The following SSMEM1 variants were observed in gnomAD, a reference collection of about 807,000 sequenced individuals.
SSMEM1 encodes serine-rich single-pass membrane protein 1.
Under a neutral mutation model 9.9 loss-of-function variants are expected in SSMEM1, and 12 were observed. The observed-to-expected ratio is 1.21, with a 90% CI of 0.78 to 1.96. The LOEUF (loss-of-function observed/expected upper bound fraction) is 1.96, where lower values mean the gene tolerates loss of function less well. SSMEM1 is among the 30% of genes most tolerant of loss of function. The pLI is 0.00. For synonymous variants in SSMEM1, 96 were observed against 98.9 expected, an observed-to-expected ratio of 0.97 and a Z score of 0.17; for missense variants, 259 against 292.2, an observed-to-expected ratio of 0.89 and a Z score of 0.83.
At chr7:130,209,737 G>A (rs1283282645) in intron 1 of SSMEM1, among the ~76,000 whole-genome samples, 4 of 152,120 alleles carry the variant, frequency 2.6e-5, no homozygotes, top group East Asian at 3.9e-4. Flanking sequence ...GCATCTCCAC[G>A]CGCAGCTAAT....
chr7:130,205,891 G>A (rs1445292294), upstream of SSMEM1, among the ~76,000 whole-genome samples: 3 of 152,028 alleles, frequency 2.0e-5, no homozygotes, highest in African/African-American at 2.4e-5. Flanking sequence ...GGCCAGTCTG[G>A]TCTCGATTTC....
In SSMEM1 at chr7:130,215,869, A is replaced by C. The variant is rs1798694395; in HGVS notation, c.239-105A>C. ...GACTGGAGAAAAGCAATGGCTTGACAACTGGCCACTAAGAGTGAGCTCACA... is the reference window on the plus strand; with the variant it reads ...GACTGGAGAAAAGCAATGGCTTGACCACTGGCCACTAAGAGTGAGCTCACA... On this transcript the variant is annotated intron_variant, in intron 2 of 2. Transcript: ENST00000297819. 3.5e-6 allele frequency: 5 copies of C among 1,444,852 alleles called. No individual in the cohort carries two copies. In the Admixed American group the frequency reaches 1.1e-4, roughly 32 times the overall value. 89.5% of individuals were successfully genotyped at this position (1,444,852 alleles called of 1,614,324 possible).
Position 130,216,636 on chromosome 7 carries a change from C to G in SSMEM1, c.*166C>G. ...GTAAAATCTCACACAATTCTTCGTT[C>G]AAAAAAAAAAAGGCCATCACGTGTT... On this transcript the variant is annotated 3_prime_UTR_variant, in exon 3 of 3. Coordinates refer to ENST00000297819, the MANE Select transcript of SSMEM1 (RefSeq NM_145268.4). 4.9e-6 allele frequency: 3 copies of G among 608,686 alleles called. No homozygotes were observed. The highest frequency in any genetic ancestry group is 7.5e-6 in the Non-Finnish European group (3 of 400,616). The allele number at this position is 608,686 out of a possible 1,614,324, so 37.7% of individuals were successfully genotyped here.
At chr7:130,213,612 A>C in intron 2 of SSMEM1, 78 bp downstream of exon 2, 1 of 1,273,302 alleles carries the variant, frequency 7.9e-7, no homozygotes. Context: ...AGTCCCAGCT[A>C]CTCAGAAGGC....
chr7:130,205,597 G>C, upstream of SSMEM1: 1 of 642,434 alleles, frequency 1.6e-6, no homozygotes, highest in South Asian at 1.8e-5. Context: ...AGAAAGCTAA[G>C]CAGCAAAATT....
rs550507514 is a variant in SSMEM1, at chr7:130,211,004, C to T, written c.184-2476C>T. ...TCACTCCAGATTATGTAGAAATAAC[C>T]AACTACTGTTAACTTTTAGGTTTAT... On this transcript the variant is annotated intron_variant, in intron 1 of 2. Coordinates refer to ENST00000297819, the MANE Select transcript of SSMEM1 (RefSeq NM_145268.4). Among the ~76,000 whole-genome samples the T allele has an allele frequency of 6.2e-4, 94 of 151,988 alleles. No individual in the cohort carries two copies. In the South Asian group the frequency reaches 0.012, roughly 20 times the overall value.
chr7:130,213,144 T>TC (rs780640619), intron 1 of SSMEM1, among the ~76,000 whole-genome samples: 9 of 152,006 alleles, frequency 5.9e-5, no homozygotes, highest in Admixed American at 2.6e-4. Context: ...GGTCAGGAGT[T>TC]CAAGACCAGC....
chr7:130,211,537 C>T (rs1798591924), intron 1 of SSMEM1, among the ~76,000 whole-genome samples: 2 of 152,120 alleles, frequency 1.3e-5, no homozygotes, highest in Non-Finnish European at 1.5e-5. Flanking sequence ...AACAAAAAGG[C>T]ACCTCATTAA....
At chr7:130,213,777 A>C (rs965904139) in intron 2 of SSMEM1, among the ~76,000 whole-genome samples, 2 of 151,926 alleles carry the variant, frequency 1.3e-5, no homozygotes, top group African/African-American at 4.8e-5. Context: ...ATTTGTGCTG[A>C]GTGTGGAAAG....
At chr7:130,209,846 G>A (rs1258170294) in intron 1 of SSMEM1, among the ~76,000 whole-genome samples, 1 of 152,212 alleles carries the variant, frequency 6.6e-6, no homozygotes, top group Non-Finnish European at 1.5e-5. Context: ...CCAAAGTGCT[G>A]GCATTACAGG....
At chr7:130,213,373 AT>A (rs1798631097) in intron 1 of SSMEM1, 106 bp from the exon 2 acceptor site, 3 of 795,894 alleles carry the variant, frequency 3.8e-6, no homozygotes, top group Admixed American at 2.7e-5. Flanking sequence ...TAATAAAAAA[AT>A]AAAACCAGAC....
At chr7:130,210,888 G>A (rs1427270594) in intron 1 of SSMEM1, among the ~76,000 whole-genome samples, 1 of 152,098 alleles carries the variant, frequency 6.6e-6, no homozygotes, top group African/African-American at 2.4e-5. Context: ...CCTAATAAGT[G>A]TTTTTAAATA....
chr7:130,208,278 A>G (rs1190656341), intron 1 of SSMEM1, among the ~76,000 whole-genome samples, 185 bp downstream of exon 1: 1 of 152,222 alleles, frequency 6.6e-6, no homozygotes, highest in Non-Finnish European at 1.5e-5. Flanking sequence ...ATAAAGCTAC[A>G]GTTATCCTCT....
chr7:130,210,677 C>G (rs2727842), intron 1 of SSMEM1, among the ~76,000 whole-genome samples: 39,969 of 151,964 alleles, frequency 0.26, 5,806 homozygotes, highest in East Asian at 0.59. Context: ...AGAGCCACGG[C>G]CCACATTTTC....
At chr7:130,209,738 C>T (rs1038612228) in intron 1 of SSMEM1, among the ~76,000 whole-genome samples, 2 of 152,292 alleles carry the variant, frequency 1.3e-5, no homozygotes, top group African/African-American at 2.4e-5. Flanking sequence ...CATCTCCACG[C>T]GCAGCTAATT....
intron 1 of SSMEM1, among the ~76,000 whole-genome samples, chr7:130,213,154 C>A (rs954332795): frequency 6.6e-6 from 1 of 152,012 alleles, no homozygotes; most frequent in Non-Finnish European, 1.5e-5. Context: ...TCAAGACCAG[C>A]CTGGCCAACA....
At chr7:130,213,757 A>G (rs1354924446) in intron 2 of SSMEM1, among the ~76,000 whole-genome samples, 2 of 152,048 alleles carry the variant, frequency 1.3e-5, no homozygotes, top group African/African-American at 4.8e-5. Context: ...AAATAAAGAC[A>G]AAGAAAGAAA....
intron 1 of SSMEM1, 56 bp from the exon 2 acceptor site, chr7:130,213,424 A>G (rs1289274704): frequency 1.4e-6 from 2 of 1,432,140 alleles, no homozygotes; most frequent in East Asian, 4.6e-5. Flanking sequence ...TATAACAAGT[A>G]CATATTATCA....
chr7:130,207,163 A>G (rs928404396), upstream of SSMEM1, among the ~76,000 whole-genome samples: 1 of 152,140 alleles, frequency 6.6e-6, no homozygotes, highest in African/African-American at 2.4e-5. Context: ...AAAAAAGAAC[A>G]CCACTGACCA....
Sources: allele counts gnomAD v4.1 joint callset (sites outside exome capture counted in the v4.1 genomes callset), GRCh38; gene constraint gnomAD v4.1.1; transcripts MANE v1.5; gene names NCBI Gene and HGNC (gene_info 2026-07-23, HGNC 2026-07-21).